MNAT1: variants seen among roughly 807,000 people sequenced by gnomAD.
MNAT1 encodes the protein CDK-activating kinase assembly factor MAT1.
Under a neutral mutation model 42.0 loss-of-function variants are expected in MNAT1, and 43 were observed. The observed-to-expected ratio is 1.02, with a 90% CI of 0.80 to 1.32. MNAT1 has a LOEUF of 1.32. Ranked by LOEUF, MNAT1 falls within the 40% of genes most tolerant of loss-of-function variation. The pLI is 0.00. For synonymous variants in MNAT1, 118 were observed against 120.0 expected (o/e 0.98, Z 0.11); for missense variants, 306 against 350.4 (o/e 0.87, Z 1.01).
chr14:60,786,424 C>T (rs1043267016), intron 1 of MNAT1, among the ~76,000 whole-genome samples: 2 of 151,998 alleles, frequency 1.3e-5, no homozygotes, highest in African/African-American at 4.8e-5. Context: ...TTTTATTGGT[C>T]ACATGTAACA....
intron 1 of MNAT1, among the ~76,000 whole-genome samples, chr14:60,737,016 G>C (rs764935733): frequency 1.4e-4 from 21 of 152,014 alleles, no homozygotes; most frequent in Non-Finnish European, 2.6e-4. Context: ...TGAAAATACA[G>C]CTTTAATTAT....
intron 7 of MNAT1, among the ~76,000 whole-genome samples, chr14:60,927,589 T>C (rs917580379): frequency 6.6e-6 from 1 of 152,206 alleles, no homozygotes; most frequent in African/African-American, 2.4e-5. Context: ...GAATTCTTAA[T>C]AATTTTATGT....
At chr14:60,835,384 T>C (rs2033363126) in intron 6 of MNAT1, among the ~76,000 whole-genome samples, 1 of 151,946 alleles carries the variant, frequency 6.6e-6, no homozygotes. Flanking sequence ...TGTACCAGTG[T>C]TTTCTTTCCA....
chr14:60,780,709 C>T (rs2031427149), intron 1 of MNAT1: 1 of 672,840 alleles, frequency 1.5e-6, no homozygotes, highest in East Asian at 2.6e-5. Flanking sequence ...TGGAGAAAAC[C>T]AAAATGATAC....
chr14:60,920,008 A>G (rs576292177), intron 7 of MNAT1: 3 of 153,528 alleles, frequency 2.0e-5, no homozygotes, highest in East Asian at 3.9e-4. Flanking sequence ...TGACAAAGGT[A>G]TCCTAGTACT....
intron 5 of MNAT1, among the ~76,000 whole-genome samples, chr14:60,816,957 C>T (rs1194247802): frequency 2.6e-5 from 4 of 151,830 alleles, no homozygotes; most frequent in African/African-American, 9.7e-5. Flanking sequence ...GAATGTGAAA[C>T]CAGGATTAAA....
intron 1 of MNAT1, among the ~76,000 whole-genome samples, chr14:60,760,103 C>T (rs1343814604): frequency 6.6e-6 from 1 of 151,926 alleles, no homozygotes; most frequent in Non-Finnish European, 1.5e-5. Flanking sequence ...ATATCTATTC[C>T]AAGTGGACAA....
At chr14:60,947,316 C>T (rs529991558) in intron 7 of MNAT1, among the ~76,000 whole-genome samples, 2 of 152,210 alleles carry the variant, frequency 1.3e-5, no homozygotes, top group Non-Finnish European at 2.9e-5. Context: ...ACCTCCCTCC[C>T]AATTCTAACC....
intron 7 of MNAT1, among the ~76,000 whole-genome samples, chr14:60,911,671 CTG>C (rs1254821639): frequency 6.6e-6 from 1 of 152,212 alleles, no homozygotes; most frequent in East Asian, 1.9e-4. Flanking sequence ...TTTGACTGCA[CTG>C]TGGTCTGAGA....
At chr14:60,814,523 C>T (rs1468558191) in intron 5 of MNAT1, among the ~76,000 whole-genome samples, 1 of 151,680 alleles carries the variant, frequency 6.6e-6, no homozygotes, top group East Asian at 1.9e-4. Flanking sequence ...ACTTAACTTT[C>T]TTGTCTAGTT....
rs75213664 is a variant in MNAT1 at position 60,905,218 on chromosome 14, A to G, written c.809+25383A>G. Among the ~76,000 whole-genome samples the G allele has an allele frequency of 2.7e-3, 406 of 152,004 alleles. 12 individuals are homozygous for G. The East Asian group carries it at 0.066, about 25-fold the overall frequency. Reference sequence around the variant, plus strand: ...TGAAGCTTAAATTCTCCTGTAATAAAACCAACAATAACAGTACATTATTGA... The same window carrying G: ...TGAAGCTTAAATTCTCCTGTAATAAGACCAACAATAACAGTACATTATTGA... On this transcript the variant is annotated intron_variant, in intron 7 of 7. Coordinates refer to ENST00000261245, the MANE Select transcript of MNAT1 (RefSeq NM_002431.4).
At chr14:60,832,328 T>G (rs137912753) in intron 6 of MNAT1, among the ~76,000 whole-genome samples, 86 of 152,354 alleles carry the variant, frequency 5.6e-4, no homozygotes, top group Middle Eastern at 3.4e-3. Flanking sequence ...GTTTAAGTCT[T>G]TAATCCTTCT....
chr14:60,968,166 T>G, intron 7 of MNAT1, 63 bp from the exon 8 acceptor site: 1 of 1,282,128 alleles, frequency 7.8e-7, no homozygotes, highest in Non-Finnish European at 1.1e-6. Flanking sequence ...CTATTGCTTT[T>G]TAAAATGTTA....
At chr14:60,810,298 A>T (rs1044115510) in intron 4 of MNAT1, among the ~76,000 whole-genome samples, 15 of 151,318 alleles carry the variant, frequency 9.9e-5, no homozygotes, top group Admixed American at 6.6e-4. Flanking sequence ...AATTTTGTTA[A>T]TTTTTTCTGT....
chr14:60,784,560 A>G (rs1298627945), intron 1 of MNAT1, among the ~76,000 whole-genome samples: 1 of 151,496 alleles, frequency 6.6e-6, no homozygotes, highest in Non-Finnish European at 1.5e-5. Flanking sequence ...AGCTCACTGC[A>G]ACCTCCGCCT....
rs529819504 is a variant in MNAT1, at chr14:60,850,052, G to T, written c.688-29662G>T. Reference sequence around the variant, plus strand: ...GGATTTCACCATTTTGACCATGCTGGTATCAAACTCCTGACCTCAGGTGAT... The same window carrying T: ...GGATTTCACCATTTTGACCATGCTGTTATCAAACTCCTGACCTCAGGTGAT... On this transcript the variant is annotated intron_variant, in intron 6 of 7. Coordinates refer to ENST00000261245, the MANE Select transcript of MNAT1 (RefSeq NM_002431.4). 2.0e-5 allele frequency among the ~76,000 whole-genome samples: 3 copies of T among 152,092 alleles called. No homozygotes were observed. In the South Asian group the frequency reaches 6.2e-4, roughly 32 times the overall value.
At chr14:60,935,927 A>G (rs1368873884) in intron 7 of MNAT1, among the ~76,000 whole-genome samples, 1 of 152,196 alleles carries the variant, frequency 6.6e-6, no homozygotes, top group Non-Finnish European at 1.5e-5. Context: ...ACACATTGAA[A>G]GGTGAGTAGA....
intron 7 of MNAT1, among the ~76,000 whole-genome samples, chr14:60,940,882 A>G (rs2036141038): frequency 6.6e-6 from 1 of 151,958 alleles, no homozygotes; most frequent in Non-Finnish European, 1.5e-5. Flanking sequence ...ATAGCCTGAG[A>G]AGCTCAATTT....
rs116386737 is a variant in MNAT1 at position 60,857,045 on chromosome 14, A to G, written c.688-22669A>G. Among the ~76,000 whole-genome samples, 775 of 152,314 alleles carry G rather than the reference A, an allele frequency of 5.1e-3. 15 individuals are homozygous for G. Among genetic ancestry groups the G allele is most frequent in the African/African-American group, 0.017 (726 of 41,568 alleles). ...GCTAAATTTACTCCACCTGTGCTCT[A>G]AAATGGGCGCAACCAAGTCTAGGTG... On this transcript the variant is annotated intron_variant, in intron 6 of 7. Transcript: ENST00000261245.
Sources: gnomAD v4.1 joint callset for allele counts (sites outside exome capture counted in the v4.1 genomes callset) on GRCh38, gnomAD v4.1.1 for gene constraint, MANE v1.5 for transcripts, NCBI Gene and HGNC (gene_info 2026-07-23, HGNC 2026-07-21) for gene names.